REEP1: variants seen among roughly 807,000 people sequenced by gnomAD.
The protein encoded by REEP1 is receptor accessory protein 1.
A neutral mutation model predicts 40.3 loss-of-function variants in REEP1; 22 were observed. The observed-to-expected ratio is 0.55, with a 90% CI of 0.39 to 0.78. REEP1 has a LOEUF of 0.78. REEP1 is among the 30% of genes least tolerant of loss of function. The pLI is 0.00. For synonymous variants in REEP1, 116 were observed against 139.2 expected, an observed-to-expected ratio of 0.83 and a Z score of 1.17; for missense variants, 280 against 361.1, an observed-to-expected ratio of 0.78 and a Z score of 1.82.
intron 7 of REEP1, among the ~76,000 whole-genome samples, chr2:86,220,560 C>A (rs1012522700): frequency 3.9e-5 from 6 of 152,128 alleles, no homozygotes; most frequent in African/African-American, 1.4e-4. Flanking sequence ...GGTGGGAGAG[C>A]AGTTTCTATG....
chr2:86,219,582 AC>A (rs1419806798), intron 8 of REEP1, among the ~76,000 whole-genome samples: 1 of 151,110 alleles, frequency 6.6e-6, no homozygotes, highest in East Asian at 2.0e-4. Flanking sequence ...AGCAGCTGGG[AC>A]TACAGGTGCG....
At chr2:86,328,317 T>C (rs1248387112) in intron 1 of REEP1, among the ~76,000 whole-genome samples, 1 of 152,246 alleles carries the variant, frequency 6.6e-6, no homozygotes, top group Non-Finnish European at 1.5e-5. Flanking sequence ...GGCATAGCTT[T>C]GGCAGTCTAA....
At chr2:86,238,048 GTGC>G (rs1675455889) in intron 5 of REEP1, among the ~76,000 whole-genome samples, 1 of 152,140 alleles carries the variant, frequency 6.6e-6, no homozygotes, top group Non-Finnish European at 1.5e-5. Flanking sequence ...AGGCATGGTG[GTGC>G]ATGCCTATAA....
intron 6 of REEP1, among the ~76,000 whole-genome samples, chr2:86,228,525 C>T (rs1674844920): frequency 6.6e-6 from 1 of 150,900 alleles, no homozygotes; most frequent in Non-Finnish European, 1.5e-5. Context: ...ATGGCATGAT[C>T]TCAGCTCACC....
At chr2:86,220,837 GA>G (rs1238791392) in intron 7 of REEP1, among the ~76,000 whole-genome samples, 1 of 152,126 alleles carries the variant, frequency 6.6e-6, no homozygotes, top group Non-Finnish European at 1.5e-5. Flanking sequence ...ACATCTGCGG[GA>G]AAAGCTTCAG....
At chr2:86,222,542 C>T (rs147369945) in intron 7 of REEP1, among the ~76,000 whole-genome samples, 5 of 152,316 alleles carry the variant, frequency 3.3e-5, no homozygotes, top group Admixed American at 1.3e-4. Flanking sequence ...CAAGCTTCCA[C>T]GCCTCTAGCT....
chr2:86,232,525 G>A, intron 6 of REEP1, 100 bp downstream of exon 6: 1 of 1,419,502 alleles, frequency 7.0e-7, no homozygotes, highest in Non-Finnish European at 9.8e-7. Context: ...GCAGGTCCGT[G>A]GGGCCAGGGC....
At chr2:86,289,753 T>TGC (rs1471227164) in intron 1 of REEP1, among the ~76,000 whole-genome samples, 1 of 152,198 alleles carries the variant, frequency 6.6e-6, no homozygotes, top group African/African-American at 2.4e-5. Flanking sequence ...TTGTACATGT[T>TGC]TTGTCTTACT....
At chr2:86,218,290 G>A (rs1295433451) in intron 8 of REEP1, among the ~76,000 whole-genome samples, 1 of 152,144 alleles carries the variant, frequency 6.6e-6, no homozygotes, top group Non-Finnish European at 1.5e-5. Context: ...GGAGTGTGTG[G>A]GGGCCCTGCT....
At chr2:86,270,182 T>C (rs1677362655) in intron 2 of REEP1, among the ~76,000 whole-genome samples, 1 of 147,394 alleles carries the variant, frequency 6.8e-6, no homozygotes, top group Non-Finnish European at 1.5e-5. Flanking sequence ...TTTGTTTGTT[T>C]GTTTGTTTGT....
intron 1 of REEP1, among the ~76,000 whole-genome samples, chr2:86,317,166 G>A (rs866345660): frequency 4.6e-5 from 7 of 151,978 alleles, no homozygotes; most frequent in South Asian, 4.2e-4. Context: ...CAGCCGACCC[G>A]GACTCTTCAA....
intron 2 of REEP1, among the ~76,000 whole-genome samples, chr2:86,277,232 G>T (rs559224005): frequency 6.6e-6 from 1 of 152,122 alleles, no homozygotes; most frequent in South Asian, 2.1e-4. Context: ...CCTTGGGGGG[G>T]CCTCCTAGTA....
At chr2:86,286,573 G>C (rs1678413166) in intron 1 of REEP1, among the ~76,000 whole-genome samples, 1 of 152,198 alleles carries the variant, frequency 6.6e-6, no homozygotes, top group Non-Finnish European at 1.5e-5. Flanking sequence ...AAAATGTCCA[G>C]TGTCCCAAGA....
rs182507211 is a variant in REEP1 at position 86,291,165 on chromosome 2, C to T, written c.33-8923G>A. On this transcript the variant is annotated intron_variant, in intron 1 of 8. Transcript: ENST00000538924. ...ACTGCCCATCTCCTCACTGCTATGA[C>T]ACACTGCCTTCCTGACTCTGCAGTA... 3.0e-3 allele frequency among the ~76,000 whole-genome samples: 460 copies of T among 152,256 alleles called. 2 individuals are homozygous for T. The highest frequency in any genetic ancestry group is 4.8e-3 in the Admixed American group (73 of 15,290).
upstream of REEP1, chr2:86,337,756 G>A (rs1350863661): frequency 1.3e-6 from 1 of 799,956 alleles, no homozygotes; most frequent in Non-Finnish European, 1.6e-6. This position sits in a 1 kb window ranked among gnomAD's most constrained non-coding sequence, Gnocchi z 5.8. Flanking sequence ...AGCTGGTCAG[G>A]GCACCCGCGG....
chr2:86,288,129 T>G (rs887691836), intron 1 of REEP1, among the ~76,000 whole-genome samples: 4 of 151,810 alleles, frequency 2.6e-5, no homozygotes, highest in African/African-American at 9.7e-5. Flanking sequence ...TTCAAGGGAT[T>G]CTCCTTCCTC....
intron 1 of REEP1, among the ~76,000 whole-genome samples, chr2:86,309,055 T>C (rs1679634003): frequency 6.6e-6 from 1 of 152,222 alleles, no homozygotes; most frequent in Non-Finnish European, 1.5e-5. Context: ...GGCATCCACC[T>C]TTAGGCCTGA....
At chr2:86,331,138 C>G (rs923165960) in intron 1 of REEP1, among the ~76,000 whole-genome samples, 3 of 152,174 alleles carry the variant, frequency 2.0e-5, no homozygotes, top group African/African-American at 7.2e-5. Flanking sequence ...TACTTATGGA[C>G]TTTCTCCACG....
intron 1 of REEP1, among the ~76,000 whole-genome samples, chr2:86,318,739 C>T (rs1680148966): frequency 6.6e-6 from 1 of 152,080 alleles, no homozygotes; most frequent in Admixed American, 6.6e-5. Flanking sequence ...GGAGAGTAAT[C>T]TTGTCCTTGA....
Sources: allele counts gnomAD v4.1 joint callset (sites outside exome capture counted in the v4.1 genomes callset), GRCh38; gene constraint gnomAD v4.1.1; non-coding constraint Gnocchi (gnomAD v3.1); transcripts MANE v1.5; gene names NCBI Gene and HGNC (gene_info 2026-07-23, HGNC 2026-07-21).